The following SLC16A2 variants were observed in gnomAD, a reference collection of about 807,000 sequenced individuals.
The protein encoded by SLC16A2 is solute carrier family 16 member 2.
In SLC16A2, 3 loss-of-function variants were observed where a neutral mutation model predicts 27.2. The observed-to-expected ratio is 0.11, with a 90% CI of 0.05 to 0.28. The LOEUF is 0.28. Among genes scored for constraint, SLC16A2 ranks in the 10% least tolerant of loss-of-function variants. The pLI is 1.00. For synonymous variants in SLC16A2, 202 were observed against 187.8 expected (o/e 1.08, Z -0.62); for missense variants, 295 against 458.5 (o/e 0.64, Z 3.26).
chrX:74,492,462 C>G (rs1407066349), intron 1 of SLC16A2, among the ~76,000 whole-genome samples: 2 of 110,794 alleles, frequency 1.8e-5, no homozygotes, highest in African/African-American at 6.6e-5. Flanking sequence ...GAGTTAGAAT[C>G]CCAGGACCCT....
chrX:74,528,877 AAT>A (rs1412064345), intron 4 of SLC16A2, among the ~76,000 whole-genome samples: 1 of 112,028 alleles, frequency 8.9e-6, no homozygotes, highest in Non-Finnish European at 1.9e-5. Context: ...GGGGAAGCCA[AAT>A]ACAGGCTCAG....
At chrX:74,460,404 C>T (rs1002275996) in intron 1 of SLC16A2, among the ~76,000 whole-genome samples, 1 of 111,773 alleles carries the variant, frequency 8.9e-6, no homozygotes, top group Non-Finnish European at 1.9e-5. Flanking sequence ...TTCCCTCATC[C>T]TCTCTTTCAC....
intron 1 of SLC16A2, among the ~76,000 whole-genome samples, chrX:74,458,003 A>C (rs1192667504): frequency 8.9e-6 from 1 of 111,949 alleles, no homozygotes; most frequent in Non-Finnish European, 1.9e-5. Context: ...TTCTTTTTTC[A>C]GAAAATAGGA....
At chrX:74,458,732 G>C (rs1929079026) in intron 1 of SLC16A2, among the ~76,000 whole-genome samples, 1 of 111,588 alleles carries the variant, frequency 9.0e-6, no homozygotes. Context: ...TCCAGAACTT[G>C]TTTCATAACT....
chrX:74,528,271 G>A (rs991647416), intron 4 of SLC16A2, among the ~76,000 whole-genome samples: 2 of 110,915 alleles, frequency 1.8e-5, no homozygotes, highest in Non-Finnish European at 3.8e-5. Context: ...GCAGCGGGAT[G>A]GGGGCAGGGT....
At chrX:74,513,073 A>G (rs1265297959) in intron 1 of SLC16A2, among the ~76,000 whole-genome samples, 1 of 111,766 alleles carries the variant, frequency 8.9e-6, no homozygotes, top group African/African-American at 3.3e-5. Context: ...TGAATGGTAT[A>G]ATAATTATAC....
chrX:74,474,524 A>G (rs1242517105), intron 1 of SLC16A2, among the ~76,000 whole-genome samples: 1 of 108,844 alleles, frequency 9.2e-6, no homozygotes, highest in Non-Finnish European at 1.9e-5. Context: ...ACATGTGCAC[A>G]ACGTGCAGGT....
chrX:74,522,873 C>G (rs1448771570), intron 2 of SLC16A2, among the ~76,000 whole-genome samples: 1 of 111,820 alleles, frequency 8.9e-6, no homozygotes, highest in Non-Finnish European at 1.9e-5. Context: ...GGCTAGAGCT[C>G]CAAATCATCC....
intron 1 of SLC16A2, among the ~76,000 whole-genome samples, chrX:74,446,331 GTCAATTC>G (rs965878674): frequency 9.0e-6 from 1 of 111,549 alleles, no homozygotes; most frequent in Non-Finnish European, 1.9e-5. Context: ...ACTTACCTAA[GTCAATTC>G]TCTGCTTTAA....
Position 74,436,555 on chromosome X carries a change from C to T in SLC16A2, c.430+14488C>T, listed in dbSNP as rs181745705. ...AGGAAGATAGCAAGAGTACTTACCACGTAGGGTTGTTAAATGAGTTGATAT... is the reference window on the plus strand; with the variant it reads ...AGGAAGATAGCAAGAGTACTTACCATGTAGGGTTGTTAAATGAGTTGATAT... On this transcript the variant is annotated intron_variant, in intron 1 of 5. Coordinates refer to ENST00000587091, the MANE Select transcript of SLC16A2 (RefSeq NM_006517.5). Among the ~76,000 whole-genome samples, 282 of 111,827 alleles carry T rather than the reference C, an allele frequency of 2.5e-3. 3 individuals carry two copies. Among genetic ancestry groups the T allele is most frequent in the Admixed American group, 0.02 (206 of 10,502 alleles).
In SLC16A2 at chrX:74,515,099, G is replaced by A. The variant is rs763288196; in HGVS notation, c.431-5891G>A. Among the ~76,000 whole-genome samples, 47 of 111,566 alleles carry A rather than the reference G, an allele frequency of 4.2e-4. 1 individual carries two copies. Among genetic ancestry groups the A allele is most frequent in the Non-Finnish European group, 1.1e-4 (6 of 53,076 alleles). ...GATAACACAGAAATTGAATTATTTG[G>A]CAAGGATTTTAAAGCAGCCAACAAA... On this transcript the variant is annotated intron_variant, in intron 1 of 5. Transcript: ENST00000587091.
intron 1 of SLC16A2, among the ~76,000 whole-genome samples, chrX:74,492,818 C>G (rs144447720): frequency 3.6e-5 from 4 of 111,204 alleles, no homozygotes; most frequent in Admixed American, 9.6e-5. Flanking sequence ...TTTCCCTCCC[C>G]CTTTTAGAGA....
intron 1 of SLC16A2, among the ~76,000 whole-genome samples, chrX:74,456,401 G>C (rs1318872303): frequency 1.8e-5 from 2 of 111,299 alleles, no homozygotes; most frequent in African/African-American, 6.5e-5. Flanking sequence ...GAGATAAAAA[G>C]AATGAATAAG....
intron 5 of SLC16A2, among the ~76,000 whole-genome samples, chrX:74,530,977 G>A (rs775083199): frequency 9.8e-5 from 11 of 112,027 alleles, no homozygotes; most frequent in African/African-American, 2.6e-4. Context: ...GGCAGGGGGC[G>A]GGGGTAGGAG....
chrX:74,441,119 A>G (rs1407483200), intron 1 of SLC16A2, among the ~76,000 whole-genome samples: 1 of 107,878 alleles, frequency 9.3e-6, no homozygotes, highest in Non-Finnish European at 1.9e-5. Context: ...GTGCAGTGAC[A>G]CGATCTCGGC....
At chrX:74,508,756 T>C (rs1221692832) in intron 1 of SLC16A2, among the ~76,000 whole-genome samples, 2 of 111,718 alleles carry the variant, frequency 1.8e-5, no homozygotes, top group African/African-American at 3.3e-5. Flanking sequence ...ATATGTTACA[T>C]AGGTAAACAT....
chrX:74,456,272 A>G (rs1430613411), intron 1 of SLC16A2, among the ~76,000 whole-genome samples: 1 of 111,519 alleles, frequency 9.0e-6, no homozygotes, highest in African/African-American at 3.3e-5. Flanking sequence ...AGCCATTCTT[A>G]AAGTCCAGTG....
At chrX:74,525,683 C>G (rs1376379399) in intron 3 of SLC16A2, 67 bp from the exon 4 acceptor site, 9 of 1,165,849 alleles carry the variant, frequency 7.7e-6, no homozygotes, top group Non-Finnish European at 1.1e-5. Context: ...CTGGATATGC[C>G]TACAGTTAAC....
chrX:74,462,981 G>T (rs970814328), intron 1 of SLC16A2, among the ~76,000 whole-genome samples: 6 of 111,730 alleles, frequency 5.4e-5, no homozygotes, highest in Admixed American at 9.6e-5. Context: ...TCATCTCTTT[G>T]TGGCTCAATT....
Sources: gnomAD v4.1 joint callset for allele counts (sites outside exome capture counted in the v4.1 genomes callset) on GRCh38, gnomAD v4.1.1 for gene constraint, MANE v1.5 for transcripts, NCBI Gene and HGNC (gene_info 2026-07-23, HGNC 2026-07-21) for gene names.